The following ZC3H7B variants were observed in gnomAD, a reference collection of about 807,000 sequenced individuals.
ZC3H7B encodes the protein zinc finger CCCH-type containing 7B, also known as zinc finger CCCH domain-containing protein 7B.
ZC3H7B carries 35 observed loss-of-function variants against 116.0 expected under a neutral mutation model. The observed-to-expected ratio is 0.30, with a 90% CI of 0.23 to 0.40. The LOEUF (loss-of-function observed/expected upper bound fraction) is 0.40. Among genes scored for constraint, ZC3H7B ranks in the 10% least tolerant of loss-of-function variants. The probability of loss-of-function intolerance (pLI) is 1.00; values close to 1 mark genes in which losing one functional copy is unlikely to be tolerated. For synonymous variants in ZC3H7B, 502 were observed against 545.6 expected, an observed-to-expected ratio of 0.92 and a Z score of 1.11; for missense variants, 1,011 against 1,321.5, an observed-to-expected ratio of 0.77 and a Z score of 3.64.
At position 41,339,836 on chromosome 22, in the gene ZC3H7B, G is replaced by A. The variant is rs1191061919; in HGVS notation, c.837G>A (p.Leu279=). 1 of 1,605,642 alleles carries A rather than the reference G, an allele frequency of 6.2e-7. No homozygotes were observed. The highest frequency in any genetic ancestry group is 2.2e-5 in the East Asian group (1 of 44,672). Residue 279 remains leucine (L), a synonymous_variant, in exon 10 of 23, where the codon CTG becomes CTA. Transcript: ENST00000352645. ...LDSLSLVQGG[L]SGSGVPSELP... Reference sequence around the variant, plus strand: ...CATAGTCTCTGGTCCAGGGTGGCCTGTCTGGCAGCGGCGTGCCTAGTGAGT... The same window carrying A: ...CATAGTCTCTGGTCCAGGGTGGCCTATCTGGCAGCGGCGTGCCTAGTGAGT...
In ZC3H7B at chr22:41,351,881, G is replaced by C. The variant is rs1334948082; in HGVS notation, c.2034+235G>C. Among the ~76,000 whole-genome samples, 1 of 152,092 alleles carries C rather than the reference G, an allele frequency of 6.6e-6. No homozygotes were observed. The highest frequency in any genetic ancestry group is 1.5e-5 in the Non-Finnish European group (1 of 68,006). ...TCTGTCACCCAGCCTGGAGTGCAGT[G>C]GTATGATCATGGCCCACTGCAGCTT... On this transcript the variant is annotated intron_variant, in intron 17 of 22. Transcript: ENST00000352645. The surrounding 1 kb of genome is among the most constrained non-coding windows in gnomAD (Gnocchi z 5.1).
chr22:41,351,520 G>C lies in ZC3H7B; in HGVS notation c.1949-41G>C, dbSNP rs1248459316. Reference sequence around the variant, plus strand: ...GACCCCCTGCCTCCCTCCTTGCTGAGCACCTTGAAAGATGCCTGTGTCTGC... The same window carrying C: ...GACCCCCTGCCTCCCTCCTTGCTGACCACCTTGAAAGATGCCTGTGTCTGC... On this transcript the variant is annotated intron_variant, in intron 16 of 22. Transcript: ENST00000352645. The surrounding 1 kb of genome is among the most constrained non-coding windows in gnomAD (Gnocchi z 5.1). 2 of 1,586,074 alleles carry C rather than the reference G, an allele frequency of 1.3e-6. No individual in the cohort carries two copies. The highest frequency in any genetic ancestry group is 1.7e-6 in the Non-Finnish European group (2 of 1,164,450).
chr22:41,346,107 C>A lies in ZC3H7B; in HGVS notation c.1564C>A (p.Arg522Ser). The part of the protein sequence containing the change: ...WTEERKGTLN[R>S]DLLFDPLGGV... ...CGAGGAGCGGAAGGGCACCCTCAACCGCGACCTGCTCTTCGACCCGCTGGG... is the reference window on the plus strand; with the variant it reads ...CGAGGAGCGGAAGGGCACCCTCAACAGCGACCTGCTCTTCGACCCGCTGGG... The change falls in exon 14 of 23, where the codon CGC becomes AGC. Residue 522 changes from arginine to serine, a missense_variant. This residue lies in a region of ZC3H7B where 179 missense variants were observed against 178.5 expected (regional missense o/e 1.00). Coordinates refer to ENST00000352645, the MANE Select transcript of ZC3H7B (RefSeq NM_017590.6). The surrounding 1 kb of genome is among the most constrained non-coding windows in gnomAD (Gnocchi z 5.3). 6.2e-7 allele frequency: 1 copy of A among 1,613,754 alleles called. No individual in the cohort carries two copies. Among genetic ancestry groups the A allele is most frequent in the Non-Finnish European group, 8.5e-7 (1 of 1,180,006 alleles).
chr22:41,306,345 G>A (rs938736561), intron 1 of ZC3H7B, among the ~76,000 whole-genome samples: 3 of 151,322 alleles, frequency 2.0e-5, no homozygotes, highest in African/African-American at 7.3e-5. Context: ...TGTTGCAAGT[G>A]CTTTTTCCTA....
chr22:41,311,725 G>C (rs1219837323), intron 1 of ZC3H7B, among the ~76,000 whole-genome samples: 1 of 152,058 alleles, frequency 6.6e-6, no homozygotes, highest in East Asian at 1.9e-4. Flanking sequence ...TGAAATGCAA[G>C]AGCTCATCTG....
intron 1 of ZC3H7B, among the ~76,000 whole-genome samples, chr22:41,305,241 A>T (rs910431941): frequency 6.6e-6 from 1 of 151,878 alleles, no homozygotes. Flanking sequence ...GCTACTTGGG[A>T]GGCTGAGGCA....
At chr22:41,306,813 G>T (rs1038267175) in intron 1 of ZC3H7B, among the ~76,000 whole-genome samples, 3 of 152,130 alleles carry the variant, frequency 2.0e-5, no homozygotes, top group African/African-American at 7.2e-5. Context: ...TGGCTCTGGA[G>T]CTGGCCTGGT....
At chr22:41,340,331 T>A (rs2036505569) in intron 10 of ZC3H7B, among the ~76,000 whole-genome samples, 194 bp downstream of exon 10, 1 of 151,714 alleles carries the variant, frequency 6.6e-6, no homozygotes. Context: ...GAGGGGTGGG[T>A]GTCTTGTTCA....
chr22:41,356,155 C>T (rs1691293156), intron 20 of ZC3H7B, 93 bp downstream of exon 20: 2 of 1,431,714 alleles, frequency 1.4e-6, no homozygotes, highest in African/African-American at 1.4e-5. Context: ...GCGTCCACTG[C>T]ACCCCTTTGC....
chr22:41,345,956 C>T, intron 13 of ZC3H7B, 47 bp from the exon 14 acceptor site: 1 of 1,600,738 alleles, frequency 6.2e-7, no homozygotes. Flanking sequence ...GTGCTGCGGG[C>T]TGCTATCCCC....
At chr22:41,317,826 C>T (rs1326917269) in intron 1 of ZC3H7B, among the ~76,000 whole-genome samples, 1 of 152,034 alleles carries the variant, frequency 6.6e-6, no homozygotes, top group Non-Finnish European at 1.5e-5. Flanking sequence ...AGGGTGTGGG[C>T]TGTTAGGTGC....
In ZC3H7B at chr22:41,338,838, C is replaced by T. The variant is rs73416815; in HGVS notation, c.626-163C>T. Among the ~76,000 whole-genome samples, 1 of 152,144 alleles carries T rather than the reference C, an allele frequency of 6.6e-6. No homozygotes were observed. Among genetic ancestry groups the T allele is most frequent in the Non-Finnish European group, 1.5e-5 (1 of 68,028 alleles). ...GGGCTGTGGCCTTCCTTGACCACCC[C>T]CTGAGCATCTGCCAGTGGGATCAGC... On this transcript the variant is annotated intron_variant, in intron 8 of 22. Transcript: ENST00000352645. The surrounding 1 kb of genome is among the most constrained non-coding windows in gnomAD (Gnocchi z 4.5).
chr22:41,343,562 A>G lies in ZC3H7B; in HGVS notation c.1445A>G (p.Tyr482Cys). The G allele has an allele frequency of 1.2e-6, 2 of 1,606,914 alleles. No homozygotes were observed. Among genetic ancestry groups the G allele is most frequent in the Non-Finnish European group, 1.7e-6 (2 of 1,175,360 alleles). The change falls in exon 13 of 23, where the codon TAC becomes TGC. Residue 482 changes from tyrosine (Y) to cysteine (C), a missense_variant. This residue lies in a region of ZC3H7B where 179 missense variants were observed against 178.5 expected (regional missense o/e 1.00). Coordinates refer to ENST00000352645, the MANE Select transcript of ZC3H7B (RefSeq NM_017590.6). ...RPTKTSFVGSYYLCKDMINKQ... is the reference protein window; with the variant it reads ...RPTKTSFVGSCYLCKDMINKQ... Reference sequence around the variant, plus strand: ...ACTAAGACCAGCTTCGTGGGCTCCTACTACCTGTGCAAAGGTGGGTGGGCT... The same window carrying G: ...ACTAAGACCAGCTTCGTGGGCTCCTGCTACCTGTGCAAAGGTGGGTGGGCT...
chr22:41,325,459 T>C, intron 2 of ZC3H7B, 105 bp from the exon 3 acceptor site: 1 of 1,464,152 alleles, frequency 6.8e-7, no homozygotes, highest in Non-Finnish European at 9.4e-7. Context: ...TTCACCCTAG[T>C]CCACAAGGTG....
chr22:41,320,551 A>C, intron 1 of ZC3H7B, 104 bp from the exon 2 acceptor site: 2 of 1,279,876 alleles, frequency 1.6e-6, no homozygotes, highest in South Asian at 2.4e-5. Context: ...GAAGGGAATG[A>C]GAGTGGGAGT....
chr22:41,338,433 C>G lies in ZC3H7B; in HGVS notation c.625+78C>G. 1.3e-6 allele frequency: 2 copies of G among 1,516,780 alleles called. No homozygotes were observed. The highest frequency in any genetic ancestry group is 1.8e-6 in the Non-Finnish European group (2 of 1,107,098). The allele number at this position is 1,516,780 out of a possible 1,614,324, so 94.0% of individuals were successfully genotyped here. A position where few individuals can be genotyped will look rare whatever the true frequency, so the allele number is the denominator to read the frequency against. ...GGGGAGTCGAGCCCCCTCCCCATCC[C>G]AGCCCTGTAGATGGGAGGGCCTCCG... is the stretch of plus-strand genomic sequence containing the variant. On this transcript the variant is annotated intron_variant, in intron 8 of 22. Coordinates refer to ENST00000352645, the MANE Select transcript of ZC3H7B (RefSeq NM_017590.6). This position sits in a 1 kb window ranked among gnomAD's most constrained non-coding sequence, Gnocchi z 4.5.
At chr22:41,342,817 A>G (rs957495298) in intron 12 of ZC3H7B, among the ~76,000 whole-genome samples, 189 bp downstream of exon 12, 1 of 152,192 alleles carries the variant, frequency 6.6e-6, no homozygotes, top group Admixed American at 6.5e-5. Context: ...CCACCTTCAC[A>G]GTCCTTTCTA....
intron 9 of ZC3H7B, among the ~76,000 whole-genome samples, chr22:41,339,495 A>G (rs1486462130): frequency 1.3e-5 from 2 of 152,028 alleles, no homozygotes; most frequent in Admixed American, 6.5e-5. Flanking sequence ...GCATGGTGGC[A>G]CATGCCTGTG....
rs1309914071 is a variant in ZC3H7B at position 41,346,129 on chromosome 22, T to TG, written c.1592dup (p.Val532CysfsTer2). The stretch of plus-strand genomic sequence containing the variant: ...AACCGCGACCTGCTCTTCGACCCGC[T>TG]GGGGGGTGTTAAGCGCGGCAGCCTC... On this transcript the variant is annotated frameshift_variant, in exon 14 of 23. Coordinates refer to ENST00000352645, the MANE Select transcript of ZC3H7B (RefSeq NM_017590.6). LOFTEE classifies it high-confidence loss of function. This position sits in a 1 kb window ranked among gnomAD's most constrained non-coding sequence, Gnocchi z 5.3. 6.2e-7 allele frequency: 1 copy of TG among 1,613,412 alleles called. No homozygotes were observed.
Sources: allele counts gnomAD v4.1 joint callset (sites outside exome capture counted in the v4.1 genomes callset), GRCh38; gene constraint gnomAD v4.1.1; regional missense constraint gnomAD v4.1.1; non-coding constraint Gnocchi (gnomAD v3.1); transcripts MANE v1.5; gene names NCBI Gene and HGNC (gene_info 2026-07-23, HGNC 2026-07-21).